HCN1: variants seen among roughly 807,000 people sequenced by gnomAD.
HCN1 encodes the protein hyperpolarization activated cyclic nucleotide gated potassium channel 1.
HCN1 carries 13 observed loss-of-function variants against 78.9 expected under a neutral mutation model. That is an observed-to-expected ratio of 0.16 (90% CI 0.11 to 0.26). The LOEUF (loss-of-function observed/expected upper bound fraction) is 0.26. HCN1 is among the 10% of genes least tolerant of loss of function. The probability of loss-of-function intolerance (pLI) is 1.00; values close to 1 mark genes in which losing one functional copy is unlikely to be tolerated. For missense variants in HCN1, 810 were observed against 1,154.3 expected, an observed-to-expected ratio of 0.70 and a Z score of 4.32; for synonymous variants, 552 against 455.5, an observed-to-expected ratio of 1.21 and a Z score of -2.70.
At chr5:45,468,600 G>A (rs1167350042) in intron 2 of HCN1, among the ~76,000 whole-genome samples, 1 of 151,880 alleles carries the variant, frequency 6.6e-6, no homozygotes, top group African/African-American at 2.4e-5. Flanking sequence ...TTTTTGCATA[G>A]AATTTTAATT....
chr5:45,444,327 A>C (rs1447572174), intron 3 of HCN1, among the ~76,000 whole-genome samples: 1 of 152,222 alleles, frequency 6.6e-6, no homozygotes, highest in East Asian at 1.9e-4. Context: ...ATAAGCAGAC[A>C]GCCAGTGAGT....
At chr5:45,544,406 C>T (rs928389578) in intron 2 of HCN1, among the ~76,000 whole-genome samples, 6 of 151,896 alleles carry the variant, frequency 4.0e-5, no homozygotes, top group African/African-American at 1.5e-4. Context: ...TAGAAAATCA[C>T]CAGTTACCTC....
intron 3 of HCN1, among the ~76,000 whole-genome samples, chr5:45,427,006 TATA>T (rs1192898728): frequency 6.6e-6 from 1 of 151,910 alleles, no homozygotes; most frequent in African/African-American, 2.4e-5. Flanking sequence ...TTCATTATAT[TATA>T]ATATGAATTT....
chr5:45,281,687 A>G (rs910755953), intron 6 of HCN1, among the ~76,000 whole-genome samples: 7 of 141,764 alleles, frequency 4.9e-5, no homozygotes, highest in African/African-American at 1.8e-4. Flanking sequence ...TCCTGGGTTC[A>G]AGCAATTATC....
intron 2 of HCN1, among the ~76,000 whole-genome samples, chr5:45,491,017 C>G (rs1741872089): frequency 6.6e-6 from 1 of 152,066 alleles, no homozygotes; most frequent in Non-Finnish European, 1.5e-5. Context: ...ATCAGTTTTC[C>G]TATCTTTATG....
At chr5:45,630,789 G>A (rs998539958) in intron 2 of HCN1, among the ~76,000 whole-genome samples, 2 of 152,058 alleles carry the variant, frequency 1.3e-5, no homozygotes, top group Admixed American at 6.6e-5. Context: ...CTCTAAAGCT[G>A]TGATACATCC....
At chr5:45,314,771 C>G (rs1018972920) in intron 5 of HCN1, among the ~76,000 whole-genome samples, 4 of 152,122 alleles carry the variant, frequency 2.6e-5, no homozygotes, top group South Asian at 2.1e-4. Context: ...ATCCTAGTCT[C>G]TGATAAAACA....
chr5:45,524,708 G>C (rs1221664741), intron 2 of HCN1, among the ~76,000 whole-genome samples: 6 of 151,998 alleles, frequency 3.9e-5, no homozygotes, highest in Admixed American at 2.6e-4. Flanking sequence ...CATTGATTTT[G>C]TATCCTGAGA....
chr5:45,375,815 A>G (rs1187982952), intron 4 of HCN1, among the ~76,000 whole-genome samples: 2 of 112,216 alleles, frequency 1.8e-5, no homozygotes, highest in Non-Finnish European at 3.4e-5. Flanking sequence ...TATATATAAT[A>G]TAATATTTTA....
At position 45,267,463 on chromosome 5, in the gene HCN1, T is replaced by TA. The variant is rs375114789; in HGVS notation, c.1619-211dup. Reference sequence around the variant, plus strand: ...AATGTTTTTTTGTTTTGTTTTGTTTTAAAAAAAAAAAAAACAGTTGAGAAG... The same window carrying TA: ...AATGTTTTTTTGTTTTGTTTTGTTTTAAAAAAAAAAAAAAACAGTTGAGAAG... On this transcript the variant is annotated intron_variant, in intron 6 of 7. Coordinates refer to ENST00000303230, the MANE Select transcript of HCN1 (RefSeq NM_021072.4). Among the ~76,000 whole-genome samples the TA allele has an allele frequency of 0.032, 4,530 of 141,426 alleles. 134 individuals are homozygous for TA. The highest frequency in any genetic ancestry group is 0.075 in the African/African-American group (2,931 of 39,016). The allele number at this position is 141,426 out of a possible 152,430, so 92.8% of individuals were successfully genotyped here. A position where few individuals can be genotyped will look rare whatever the true frequency, so the allele number is the denominator to read the frequency against.
chr5:45,421,342 G>A (rs749120501), intron 3 of HCN1, among the ~76,000 whole-genome samples: 12 of 152,094 alleles, frequency 7.9e-5, no homozygotes, highest in African/African-American at 1.2e-4. Context: ...GATTACAGGC[G>A]TGAGCCACCA....
chr5:45,356,530 T>C (rs1747010179), intron 4 of HCN1, among the ~76,000 whole-genome samples: 2 of 151,988 alleles, frequency 1.3e-5, no homozygotes, highest in Non-Finnish European at 1.5e-5. Flanking sequence ...AATATGCTTG[T>C]TCCCGTTTCT....
At chr5:45,525,794 G>C (rs746178441) in intron 2 of HCN1, among the ~76,000 whole-genome samples, 5 of 151,896 alleles carry the variant, frequency 3.3e-5, no homozygotes, top group Non-Finnish European at 7.4e-5. Context: ...ATTTAGTTTA[G>C]GTCTTCTTAG....
intron 2 of HCN1, among the ~76,000 whole-genome samples, chr5:45,534,841 G>A (rs1478980601): frequency 6.6e-6 from 1 of 152,046 alleles, no homozygotes; most frequent in African/African-American, 2.4e-5. Flanking sequence ...CAGAGCAGAG[G>A]GAGAAAAAAG....
intron 5 of HCN1, among the ~76,000 whole-genome samples, chr5:45,336,606 A>C (rs1218107272): frequency 1.3e-5 from 2 of 152,134 alleles, no homozygotes; most frequent in East Asian, 3.9e-4. Flanking sequence ...AGTCATTGAC[A>C]TAATCTAGGT....
At chr5:45,273,306 G>C (rs948924818) in intron 6 of HCN1, among the ~76,000 whole-genome samples, 1 of 151,442 alleles carries the variant, frequency 6.6e-6, no homozygotes, top group Admixed American at 6.6e-5. Context: ...TGGGAGACTA[G>C]ATTTGGCCTA....
chr5:45,539,703 T>A (rs1743052142), intron 2 of HCN1, among the ~76,000 whole-genome samples: 1 of 148,440 alleles, frequency 6.7e-6, no homozygotes, highest in Admixed American at 6.7e-5. Flanking sequence ...AAAAATATTA[T>A]TTTAAATATT....
chr5:45,279,574 A>G (rs1444731863), intron 6 of HCN1, among the ~76,000 whole-genome samples: 2 of 152,178 alleles, frequency 1.3e-5, no homozygotes, highest in South Asian at 2.1e-4. Context: ...TTACTAGAAT[A>G]CTAGTAGAAG....
At chr5:45,526,003 A>T (rs1015083115) in intron 2 of HCN1, among the ~76,000 whole-genome samples, 4 of 151,952 alleles carry the variant, frequency 2.6e-5, no homozygotes, top group Non-Finnish European at 4.4e-5. Context: ...GAATACAGTG[A>T]GAAGTTGGCA....
Sources: gnomAD v4.1 joint callset for allele counts (sites outside exome capture counted in the v4.1 genomes callset) on GRCh38, gnomAD v4.1.1 for gene constraint, MANE v1.5 for transcripts, NCBI Gene and HGNC (gene_info 2026-07-23, HGNC 2026-07-21) for gene names.